Variants in TBC1D8B observed in about 807,000 individuals in gnomAD.
TBC1D8B encodes the protein RP11-321G1.1.
In TBC1D8B, 75 loss-of-function variants were observed where a neutral mutation model predicts 82.9. The ratio of observed to expected loss-of-function variants is 0.90; its 90% CI spans 0.75 to 1.10. TBC1D8B has a LOEUF of 1.10. Among genes scored for constraint, TBC1D8B ranks in the 50% least tolerant of loss-of-function variants. TBC1D8B has a pLI of 0.00. For missense variants in TBC1D8B, 794 were observed against 796.9 expected, an observed-to-expected ratio of 1.00 and a Z score of 0.04; for synonymous variants, 276 against 276.8, an observed-to-expected ratio of 1.00 and a Z score of 0.03.
intron 11 of TBC1D8B, among the ~76,000 whole-genome samples, chrX:106,848,883 C>T (rs1294617940): frequency 1.8e-5 from 2 of 109,835 alleles, no homozygotes; most frequent in African/African-American, 6.6e-5. Flanking sequence ...CATTCTCCTG[C>T]CTCAGCCTCC....
At chrX:106,842,731 C>T (rs1160876296) in intron 10 of TBC1D8B, among the ~76,000 whole-genome samples, 1 of 110,244 alleles carries the variant, frequency 9.1e-6, no homozygotes, top group Non-Finnish European at 1.9e-5. Flanking sequence ...TTACCACAAA[C>T]GTCACCCCTT....
intron 14 of TBC1D8B, among the ~76,000 whole-genome samples, chrX:106,862,237 T>C (rs1453769571): frequency 1.8e-5 from 2 of 111,677 alleles, no homozygotes; most frequent in Non-Finnish European, 3.8e-5. Flanking sequence ...TAATCTTATA[T>C]AGTATCTTGC....
intron 7 of TBC1D8B, among the ~76,000 whole-genome samples, chrX:106,835,448 G>A (rs1932154262): frequency 8.9e-6 from 1 of 112,183 alleles, no homozygotes; most frequent in Non-Finnish European, 1.9e-5. Context: ...GATGGGAGGG[G>A]CTGACGTGAA....
intron 5 of TBC1D8B, 48 bp from the exon 6 acceptor site, chrX:106,825,982 A>G (rs1307102771): frequency 4.5e-6 from 5 of 1,115,813 alleles, no homozygotes; most frequent in Non-Finnish European, 3.7e-6. Flanking sequence ...CTTAGAATTC[A>G]TTTCTAAAAA....
rs1245230713 is a variant in TBC1D8B at position 106,873,650 on chromosome X, T to C, written c.3048T>C (p.Ile1016=). The change falls in exon 21 of 21, where the codon ATT becomes ATC. Residue 1016 remains isoleucine, a synonymous_variant. Transcript: ENST00000357242. ...DPEEESLYQA[I]AVVTSLLLRM... ...AAGAAGAATCATTATATCAAGCCAT[T>C]GCTGTTGTAACCAGCCTTTTACTCA... is the stretch of plus-strand genomic sequence containing the variant. 48 of 1,209,940 alleles carry C rather than the reference T, an allele frequency of 4.0e-5. No homozygotes were observed. The highest frequency in any genetic ancestry group is 5.4e-5 in the Non-Finnish European group (48 of 894,985).
At chrX:106,834,891 C>T (rs999056900) in intron 7 of TBC1D8B, among the ~76,000 whole-genome samples, 5 of 111,963 alleles carry the variant, frequency 4.5e-5, no homozygotes, top group Non-Finnish European at 7.5e-5. Flanking sequence ...CAGGGTACAG[C>T]CCCCCTCCTG....
chrX:106,854,283 C>T lies in TBC1D8B; in HGVS notation c.2339C>T (p.Thr780Ile), dbSNP rs1336706634. 1 of 1,173,409 alleles carries T rather than the reference C, an allele frequency of 8.5e-7. No homozygotes were observed. Among genetic ancestry groups the T allele is most frequent in the Non-Finnish European group, 1.1e-6 (1 of 877,593 alleles). The change falls in exon 14 of 21, where the codon ACA becomes ATA. Residue 780 changes from threonine (T) to isoleucine (I), a missense_variant. Coordinates refer to ENST00000357242, the MANE Select transcript of TBC1D8B (RefSeq NM_017752.3). ...LYVIQTLEETTKQNVLRVVSQ... is the reference protein window; with the variant it reads ...LYVIQTLEETIKQNVLRVVSQ... The stretch of plus-strand genomic sequence containing the variant: ...GTGATACAGACCCTAGAGGAAACAA[C>T]AAAACAGAATGTGGTAAGTATGCAA...
intron 14 of TBC1D8B, among the ~76,000 whole-genome samples, chrX:106,860,703 G>A (rs1401661050): frequency 1.8e-5 from 2 of 110,216 alleles, no homozygotes; most frequent in Middle Eastern, 4.2e-3. Context: ...CTTTTGTATG[G>A]GTTTTCATGT....
chrX:106,806,366 C>T (rs900789351), intron 1 of TBC1D8B, among the ~76,000 whole-genome samples: 9 of 112,222 alleles, frequency 8.0e-5, no homozygotes, highest in African/African-American at 2.3e-4. Context: ...CTGGATTTTA[C>T]GGTCCCCTTA....
In TBC1D8B at chrX:106,873,527, A is replaced by C. The variant is rs1034425669; in HGVS notation, c.2968-43A>C. 7.1e-6 allele frequency: 8 copies of C among 1,125,035 alleles called. No homozygotes were observed. The African/African-American group carries it at 1.5e-4, about 21-fold the overall frequency. The allele number at this position is 1,125,035 out of a possible 1,213,427, so 92.7% of individuals were successfully genotyped here. A position where few individuals can be genotyped will look rare whatever the true frequency, so the allele number is the denominator to read the frequency against. ...TTCTAAGTTCTCTTTATATTTGCTA[A>C]GTCTAATATTCAAACGTGATATTTT... On this transcript the variant is annotated intron_variant, in intron 20 of 20. Transcript: ENST00000357242.
At position 106,850,251 on chromosome X, in the gene TBC1D8B, T is replaced by A. The variant is rs201021261; in HGVS notation, c.2064T>A (p.Tyr688Ter). Residue 688 changes from tyrosine to a stop codon, truncating the protein, a stop_gained, in exon 12 of 21, where the codon TAT becomes TAA. Transcript: ENST00000357242. LOFTEE classifies it high-confidence loss of function. ...ILQLGLAILD[Y>*]NLDKLLTCKD... ...AACTGGGATTGGCAATACTTGACTATAATTTAGACAAACTGCTGACTTGTA... is the reference window on the plus strand; with the variant it reads ...AACTGGGATTGGCAATACTTGACTAAAATTTAGACAAACTGCTGACTTGTA... 6.6e-6 allele frequency: 8 copies of A among 1,209,540 alleles called. No individual in the cohort carries two copies. In the African/African-American group the frequency reaches 7.0e-5, roughly 11 times the overall value.
At chrX:106,866,314 G>T (rs1335101205) in intron 16 of TBC1D8B, among the ~76,000 whole-genome samples, 1 of 111,571 alleles carries the variant, frequency 9.0e-6, no homozygotes, top group Non-Finnish European at 1.9e-5. Context: ...GGGTACTACC[G>T]AAGGACTTCC....
At position 106,846,336 on chromosome X, in the gene TBC1D8B, G is replaced by A. The variant is rs896149864; in HGVS notation, c.1720-1850G>A. Among the ~76,000 whole-genome samples, 3 of 106,096 alleles carry A rather than the reference G, an allele frequency of 2.8e-5. No individual in the cohort carries two copies. The Admixed American group carries it at 3.1e-4, about 11-fold the overall frequency. 92.1% of individuals were successfully genotyped at this position (106,096 alleles called of 115,157 possible). A position where few individuals can be genotyped will look rare whatever the true frequency, so the allele number is the denominator to read the frequency against. ...TCGGCCAGGCTGGTTATGAACTCCTGACCTCAAGTGATCCACCCACCTCGG... is the reference window on the plus strand; with the variant it reads ...TCGGCCAGGCTGGTTATGAACTCCTAACCTCAAGTGATCCACCCACCTCGG... On this transcript the variant is annotated intron_variant, in intron 10 of 20. Coordinates refer to ENST00000357242, the MANE Select transcript of TBC1D8B (RefSeq NM_017752.3).
chrX:106,805,650 T>C (rs1345792061), intron 1 of TBC1D8B, among the ~76,000 whole-genome samples: 1 of 112,364 alleles, frequency 8.9e-6, no homozygotes, highest in African/African-American at 3.2e-5. Flanking sequence ...TGTAATTCCA[T>C]GTAAATTAAA....
rs746728802 is a variant in TBC1D8B at position 106,859,943 on chromosome X, G to A, written c.2353-5616G>A. Among the ~76,000 whole-genome samples the A allele has an allele frequency of 2.7e-4, 30 of 112,123 alleles. No homozygotes were observed. In the South Asian group the frequency reaches 0.01, roughly 39 times the overall value. ...ACTGAAAGCTTTTTCTGCATCTATTGAGACGATCGTGTGGTTTTTGTTTTA... is the reference window on the plus strand; with the variant it reads ...ACTGAAAGCTTTTTCTGCATCTATTAAGACGATCGTGTGGTTTTTGTTTTA... On this transcript the variant is annotated intron_variant, in intron 14 of 20. Transcript: ENST00000357242.
chrX:106,820,360 G>C (rs771413514), intron 2 of TBC1D8B, among the ~76,000 whole-genome samples: 1 of 111,234 alleles, frequency 9.0e-6, no homozygotes, highest in Non-Finnish European at 1.9e-5. Context: ...TTTGATGAAT[G>C]GGGTTGCTCT....
chrX:106,853,318 T>A (rs1202102194), intron 12 of TBC1D8B, among the ~76,000 whole-genome samples: 1 of 111,372 alleles, frequency 9.0e-6, no homozygotes, highest in African/African-American at 3.3e-5. Flanking sequence ...CTTGAGGAGA[T>A]TTTGGGCTGA....
chrX:106,834,654 C>A (rs1217702505), intron 7 of TBC1D8B, among the ~76,000 whole-genome samples: 2 of 112,188 alleles, frequency 1.8e-5, no homozygotes, highest in Non-Finnish European at 3.8e-5. Context: ...TTAGTTACTT[C>A]CTAGAGACAA....
intron 20 of TBC1D8B, among the ~76,000 whole-genome samples, chrX:106,872,021 C>T: frequency 9.1e-6 from 1 of 110,378 alleles, no homozygotes. Flanking sequence ...TCAGAAGCTC[C>T]CTGAACCCAG....
Sources: gnomAD v4.1 joint callset for allele counts (sites outside exome capture counted in the v4.1 genomes callset) on GRCh38, gnomAD v4.1.1 for gene constraint, MANE v1.5 for transcripts, NCBI Gene and HGNC (gene_info 2026-07-23, HGNC 2026-07-21) for gene names.